PKHD1: variants seen among roughly 807,000 people sequenced by gnomAD.
PKHD1 encodes fibrocystin.
In PKHD1, 291 loss-of-function variants were observed where a neutral mutation model predicts 412.0. The ratio of observed to expected loss-of-function variants is 0.71; its 90% confidence interval spans 0.64 to 0.78. The LOEUF (loss-of-function observed/expected upper bound fraction) is 0.78, where lower values mean the gene tolerates loss of function less well. Among genes scored for constraint, PKHD1 ranks in the 30% least tolerant of loss-of-function variants. The pLI is 0.00. For missense variants in PKHD1, 4,825 were observed against 4,950.7 expected (o/e 0.97, Z 0.76); for synonymous variants, 1,777 against 1,821.5 (o/e 0.98, Z 0.62).
intron 60 of PKHD1, among the ~76,000 whole-genome samples, chr6:51,722,294 G>A (rs1169393202): frequency 1.3e-5 from 2 of 152,066 alleles, no homozygotes; most frequent in Admixed American, 1.3e-4. Context: ...TGGTTACTTG[G>A]ATTTTCCTTC....
intron 30 of PKHD1, 90 bp from the exon 31 acceptor site, chr6:52,027,986 A>G (rs534194073): frequency 8.4e-7 from 1 of 1,194,642 alleles, no homozygotes; most frequent in Non-Finnish European, 1.3e-6. Context: ...TTTGAGGAGA[A>G]GAGCAAACTG....
At chr6:51,809,989 TAA>T (rs1227807429) in intron 52 of PKHD1, among the ~76,000 whole-genome samples, 1 of 152,024 alleles carries the variant, frequency 6.6e-6, no homozygotes, top group African/African-American at 2.4e-5. Context: ...GTAATAGAAA[TAA>T]GAGTAGGCAT....
intron 35 of PKHD1, among the ~76,000 whole-genome samples, chr6:51,997,730 G>C (rs1333910929): frequency 6.6e-6 from 1 of 152,156 alleles, no homozygotes; most frequent in African/African-American, 2.4e-5. Context: ...GGATCTTCAG[G>C]GCATCAGGAC....
At chr6:51,833,393 AG>A (rs1156484703) in intron 51 of PKHD1, among the ~76,000 whole-genome samples, 1 of 152,206 alleles carries the variant, frequency 6.6e-6, no homozygotes, top group East Asian at 1.9e-4. Flanking sequence ...GCTTAAGATA[AG>A]AACACTAAGG....
At chr6:51,831,970 C>T (rs753857077) in intron 51 of PKHD1, among the ~76,000 whole-genome samples, 1 of 152,050 alleles carries the variant, frequency 6.6e-6, no homozygotes, top group African/African-American at 2.4e-5. Context: ...GAGAGATTGT[C>T]TCAAAAGGGT....
At chr6:51,910,292 A>T (rs922265548) in intron 39 of PKHD1, among the ~76,000 whole-genome samples, 27 of 152,132 alleles carry the variant, frequency 1.8e-4, no homozygotes, top group Admixed American at 1.8e-3. Context: ...AAGATTTTTC[A>T]TGTTAATGAT....
intron 52 of PKHD1, among the ~76,000 whole-genome samples, chr6:51,799,314 A>G (rs1276372208): frequency 1.1e-5 from 1 of 89,056 alleles, no homozygotes; most frequent in Non-Finnish European, 2.2e-5. Flanking sequence ...TCATCTCTCC[A>G]TTTTTTCTTC....
chr6:51,623,181 G>C (rs1296924006), intron 66 of PKHD1, among the ~76,000 whole-genome samples: 1 of 152,078 alleles, frequency 6.6e-6, no homozygotes, highest in Non-Finnish European at 1.5e-5. Flanking sequence ...AGAATGATTG[G>C]AATTGCATTA....
intron 20 of PKHD1, 109 bp from the exon 21 acceptor site, chr6:52,053,360 G>T: frequency 8.9e-7 from 1 of 1,129,132 alleles, no homozygotes; most frequent in Non-Finnish European, 1.3e-6. Flanking sequence ...GCAGCCAGGA[G>T]AGAGACCCCA....
chr6:51,985,901 G>C (rs560902656), intron 35 of PKHD1, among the ~76,000 whole-genome samples: 3 of 152,148 alleles, frequency 2.0e-5, no homozygotes, highest in South Asian at 4.1e-4. Context: ...TTTATTTCTA[G>C]AAGTTATACA....
rs2128182593 is a variant in PKHD1, at chr6:52,042,966, A to T, written c.2990T>A (p.Met997Lys). The change falls in exon 27 of 67, where the codon ATG becomes AAG. Residue 997 changes from methionine (M) to lysine (K), a missense_variant. Transcript: ENST00000371117. The stretch of plus-strand genomic sequence containing the variant: ...GGCAAGACCAGAGGGTCTCACCAAC[A>T]TCAAGATCCGATGCATTCCAACAGG... ...LLPVGMHRIL[M>K]LVRPSGLAIS... The T allele has an allele frequency of 1.2e-6, 2 of 1,614,042 alleles. No homozygotes were observed. Among genetic ancestry groups the T allele is most frequent in the Non-Finnish European group, 1.7e-6 (2 of 1,179,896 alleles).
Position 51,758,776 on chromosome 6 carries a change from A to T in PKHD1, c.8643-3838T>A, listed in dbSNP as rs537675688. ...TTTCTTTATTTTGGCATAACTTTTG[A>T]CCTAGTTCAGAGAAAAATAATATTT... On this transcript the variant is annotated intron_variant, in intron 55 of 66. Transcript: ENST00000371117. 2.0e-5 allele frequency among the ~76,000 whole-genome samples: 3 copies of T among 152,274 alleles called. No homozygotes were observed. The South Asian group carries it at 6.2e-4, about 32-fold the overall frequency.
rs1192699542 is a variant in PKHD1, at chr6:52,054,085, T to A, written c.1917A>T (p.Val639=). 3.7e-6 allele frequency: 6 copies of A among 1,613,932 alleles called. No homozygotes were observed. The Admixed American group carries it at 1.0e-4, about 27-fold the overall frequency. The change falls in exon 20 of 67, where the codon GTA becomes GTT. Residue 639 remains valine, a synonymous_variant. Transcript: ENST00000371117. ...VSFTIGFQNM[V]KNTTCDWSLT... is the part of the protein sequence containing the mutation. ...GACTCCAGTCACAGGTGGTATTCTT[T>A]ACCATGTTTTGAAAGCCGATTGTGA...
chr6:51,848,666 G>GGC (rs1257957235), intron 49 of PKHD1, among the ~76,000 whole-genome samples: 1 of 152,142 alleles, frequency 6.6e-6, no homozygotes, highest in Non-Finnish European at 1.5e-5. Context: ...AGAAAAGAGA[G>GGC]GCGTACATCC....
At chr6:51,943,031 G>A (rs1788823457) in intron 36 of PKHD1, among the ~76,000 whole-genome samples, 1 of 151,536 alleles carries the variant, frequency 6.6e-6, no homozygotes, top group African/African-American at 2.4e-5. Flanking sequence ...TTCCCACAGG[G>A]TCTAAGAAGG....
intron 52 of PKHD1, among the ~76,000 whole-genome samples, chr6:51,825,819 C>G (rs1161757324): frequency 6.6e-6 from 1 of 152,106 alleles, no homozygotes; most frequent in African/African-American, 2.4e-5. Context: ...ACCCCAGTAG[C>G]TGAAGCCCAA....
intron 21 of PKHD1, among the ~76,000 whole-genome samples, chr6:52,052,663 A>G (rs1807043651): frequency 6.6e-6 from 1 of 152,216 alleles, no homozygotes; most frequent in South Asian, 2.1e-4. Flanking sequence ...AACAATAATA[A>G]TAACAATAAT....
intron 66 of PKHD1, chr6:51,621,715 G>A (rs1443831595): frequency 2.0e-5 from 3 of 152,182 alleles, no homozygotes; most frequent in African/African-American, 7.2e-5. Context: ...GGTGCCCAGA[G>A]AGGCTGGCCA....
At chr6:52,085,687 C>T (rs1299260082) in intron 1 of PKHD1, among the ~76,000 whole-genome samples, 1 of 152,186 alleles carries the variant, frequency 6.6e-6, no homozygotes, top group East Asian at 1.9e-4. Context: ...CCAGACGGCA[C>T]GTTCCTTGAA....
Sources: allele counts gnomAD v4.1 joint callset (sites outside exome capture counted in the v4.1 genomes callset), GRCh38; gene constraint gnomAD v4.1.1; transcripts MANE v1.5; gene names NCBI Gene and HGNC (gene_info 2026-07-23, HGNC 2026-07-21).